Variants in HS3ST5 observed in about 807,000 individuals in gnomAD.
HS3ST5 encodes the protein heparan sulfate glucosamine 3-O-sulfotransferase 5.
HS3ST5 carries 10 observed loss-of-function variants against 25.4 expected under a neutral mutation model. The observed-to-expected ratio is 0.39, with a 90% CI of 0.24 to 0.67. The LOEUF (loss-of-function observed/expected upper bound fraction) is 0.67. Among genes scored for constraint, HS3ST5 ranks in the 30% least tolerant of loss-of-function variants. HS3ST5 has a pLI of 0.44. For missense variants in HS3ST5, 324 were observed against 420.7 expected, an observed-to-expected ratio of 0.77 and a Z score of 2.01; for synonymous variants, 170 against 162.4, an observed-to-expected ratio of 1.05 and a Z score of -0.36.
At chr6:114,225,822 A>G (rs1771245740) in intron 2 of HS3ST5, among the ~76,000 whole-genome samples, 1 of 151,836 alleles carries the variant, frequency 6.6e-6, no homozygotes, top group African/African-American at 2.4e-5. Context: ...AAAATGAGAA[A>G]CTTCAGACAA....
chr6:114,149,128 TGGTG>T (rs1778322430), intron 3 of HS3ST5, among the ~76,000 whole-genome samples: 1 of 152,206 alleles, frequency 6.6e-6, no homozygotes, highest in South Asian at 2.1e-4. Flanking sequence ...TTTACACTGT[TGGTG>T]GGAGTGTAAA....
intron 1 of HS3ST5, among the ~76,000 whole-genome samples, chr6:114,302,006 C>T (rs1164320819): frequency 1.3e-5 from 2 of 152,190 alleles, no homozygotes; most frequent in African/African-American, 4.8e-5. Context: ...TGTTGACTCA[C>T]AAAGTTTACT....
rs1156747568 is a variant in HS3ST5, at chr6:114,144,270, T to C, written c.-33+24081A>G. ...GACAAGCATGCAGCATTCCCAAACA[T>C]TGGCAGACTTCTCATCACCTTTGGA... On this transcript the variant is annotated intron_variant, in intron 3 of 4. Transcript: ENST00000312719. Among the ~76,000 whole-genome samples, 3 of 152,288 alleles carry C rather than the reference T, an allele frequency of 2.0e-5. No homozygotes were observed. In the Middle Eastern group the frequency reaches 0.01, roughly 518 times the overall value.
At chr6:114,128,740 C>T (rs1359580918) in intron 3 of HS3ST5, among the ~76,000 whole-genome samples, 1 of 152,170 alleles carries the variant, frequency 6.6e-6, no homozygotes, top group Non-Finnish European at 1.5e-5. Context: ...ATTAAGACAA[C>T]TGCTGAGAGT....
chr6:114,117,456 T>C (rs1298231806), intron 3 of HS3ST5, among the ~76,000 whole-genome samples: 1 of 152,216 alleles, frequency 6.6e-6, no homozygotes, highest in Non-Finnish European at 1.5e-5. Flanking sequence ...CAGTCTTCTC[T>C]TCTGTAAATT....
intron 3 of HS3ST5, among the ~76,000 whole-genome samples, chr6:114,156,819 G>C (rs1778720059): frequency 6.6e-6 from 1 of 151,912 alleles, no homozygotes; most frequent in African/African-American, 2.4e-5. Flanking sequence ...GGTGTTCTTT[G>C]AGGTTTCTCT....
intron 1 of HS3ST5, among the ~76,000 whole-genome samples, chr6:114,308,636 T>G (rs1280837269): frequency 6.6e-6 from 1 of 152,020 alleles, no homozygotes. Context: ...ACTGAACATT[T>G]GAGTAGAGTA....
intron 3 of HS3ST5, among the ~76,000 whole-genome samples, chr6:114,138,003 C>T (rs1285191224): frequency 6.6e-6 from 1 of 152,014 alleles, no homozygotes; most frequent in Non-Finnish European, 1.5e-5. Flanking sequence ...AATACTTAAT[C>T]CTAATCTTAA....
intron 1 of HS3ST5, among the ~76,000 whole-genome samples, chr6:114,260,453 T>A (rs564732999): frequency 9.2e-5 from 14 of 152,344 alleles, no homozygotes; most frequent in Admixed American, 2.6e-4. Context: ...CTTTGCTCTT[T>A]TAACAGTAAG....
At chr6:114,311,084 A>G (rs764495858) in intron 1 of HS3ST5, among the ~76,000 whole-genome samples, 84 of 152,210 alleles carry the variant, frequency 5.5e-4, no homozygotes. Context: ...AGAATGCAAA[A>G]TTATACCTAC....
At chr6:114,080,595 T>C (rs1275874298) in intron 3 of HS3ST5, among the ~76,000 whole-genome samples, 1 of 152,206 alleles carries the variant, frequency 6.6e-6, no homozygotes, top group Non-Finnish European at 1.5e-5. Flanking sequence ...TATGGAATAG[T>C]ATGCAGCCAT....
At chr6:114,201,518 A>T (rs1562235955) in intron 2 of HS3ST5, among the ~76,000 whole-genome samples, 1 of 151,664 alleles carries the variant, frequency 6.6e-6, no homozygotes, top group Admixed American at 6.6e-5. Context: ...ATCCAGGCAC[A>T]CTCTCTTCCT....
intron 1 of HS3ST5, among the ~76,000 whole-genome samples, chr6:114,339,464 A>G (rs1309895299): frequency 2.0e-5 from 3 of 152,204 alleles, no homozygotes; most frequent in African/African-American, 7.2e-5. Flanking sequence ...TCATTTATAT[A>G]TAATTGCTTT....
chr6:114,087,425 AGG>A (rs1330952953), intron 3 of HS3ST5, among the ~76,000 whole-genome samples: 1 of 152,100 alleles, frequency 6.6e-6, no homozygotes, highest in Non-Finnish European at 1.5e-5. Context: ...GTGTTTCCAA[AGG>A]CTTCAAAATA....
intron 1 of HS3ST5, among the ~76,000 whole-genome samples, chr6:114,269,507 T>A (rs1582774764): frequency 6.6e-6 from 1 of 152,162 alleles, no homozygotes; most frequent in Non-Finnish European, 1.5e-5. Flanking sequence ...GGGTTAACCA[T>A]AAAATTTGAA....
chr6:114,125,771 T>G lies in HS3ST5; in HGVS notation c.-33+42580A>C, dbSNP rs1236732929. On this transcript the variant is annotated intron_variant, in intron 3 of 4. Coordinates refer to ENST00000312719, the MANE Select transcript of HS3ST5 (RefSeq NM_153612.4). ...CAGTGTCTCAAATATATCAACTTGA[T>G]GATTACCTGACTAGCCTTTCCTGCT... Among the ~76,000 whole-genome samples, 4 of 152,216 alleles carry G rather than the reference T, an allele frequency of 2.6e-5. No homozygotes were observed. In the South Asian group the frequency reaches 8.3e-4, roughly 32 times the overall value.
At chr6:114,333,759 A>C (rs1349309612) in intron 1 of HS3ST5, among the ~76,000 whole-genome samples, 2 of 152,058 alleles carry the variant, frequency 1.3e-5, no homozygotes, top group Admixed American at 1.3e-4. Context: ...ATTACGGCTA[A>C]TATTTTTAAA....
At chr6:114,069,100 G>C (rs1469278752) in intron 3 of HS3ST5, among the ~76,000 whole-genome samples, 1 of 152,172 alleles carries the variant, frequency 6.6e-6, no homozygotes, top group East Asian at 1.9e-4. Context: ...TGTAGACATG[G>C]TTACCACAAG....
chr6:114,149,490 C>A, intron 3 of HS3ST5, among the ~76,000 whole-genome samples: 1 of 152,098 alleles, frequency 6.6e-6, no homozygotes, highest in East Asian at 1.9e-4. Context: ...AACAGAAAAC[C>A]AAACACCACA....
Sources: gnomAD v4.1 joint callset for allele counts (sites outside exome capture counted in the v4.1 genomes callset) on GRCh38, gnomAD v4.1.1 for gene constraint, MANE v1.5 for transcripts, NCBI Gene and HGNC (gene_info 2026-07-23, HGNC 2026-07-21) for gene names.